Variants in UBOX5 observed in about 807,000 individuals in gnomAD.
UBOX5 encodes the protein RING finger protein 37.
Under a neutral mutation model 39.0 loss-of-function variants are expected in UBOX5, and 28 were observed. The ratio of observed to expected loss-of-function variants is 0.72; its 90% CI spans 0.53 to 0.98. The LOEUF is 0.98. Among genes scored for constraint, UBOX5 ranks in the 50% least tolerant of loss-of-function variants. The pLI is 0.00. For missense variants in UBOX5, 585 were observed against 674.4 expected (o/e 0.87, Z 1.47); for synonymous variants, 283 against 275.5 (o/e 1.03, Z -0.27).
At chr20:3,111,974 C>T (rs1002698584) in intron 4 of UBOX5, among the ~76,000 whole-genome samples, 3 of 152,154 alleles carry the variant, frequency 2.0e-5, no homozygotes, top group Admixed American at 6.5e-5. Flanking sequence ...TTCCTGCCTC[C>T]GCATCCCTGA....
rs201196114 is a variant in UBOX5 at position 3,148,874 on chromosome 20, C to T, written c.-42+10892G>A. ...GGCACTGCTGGTTGTCAGGATTCTC[C>T]GAGAAGAGAAGGTGCTACATATGTT... On this transcript the variant is annotated intron_variant, in intron 1 of 4. Transcript: ENST00000217173. 1.9e-5 allele frequency: 30 copies of T among 1,614,144 alleles called. No individual in the cohort carries two copies. Among genetic ancestry groups the T allele is most frequent in the South Asian group, 1.1e-4 (10 of 91,082 alleles).
At chr20:3,134,557 GA>G (rs34926292) in intron 1 of UBOX5, among the ~76,000 whole-genome samples, 37,236 of 81,882 alleles carry the variant, frequency 0.45, 6,496 homozygotes, top group East Asian at 0.51. Flanking sequence ...GACCCCATCT[GA>G]AAAAAAAAAA....
At chr20:3,140,325 C>T (rs986277352) in intron 1 of UBOX5, among the ~76,000 whole-genome samples, 2 of 152,084 alleles carry the variant, frequency 1.3e-5, no homozygotes, top group African/African-American at 4.8e-5. Flanking sequence ...CCGCACCCAG[C>T]CCAGTTTTTA....
chr20:3,147,712 G>A (rs1251930257), intron 1 of UBOX5: 1 of 1,614,236 alleles, frequency 6.2e-7, no homozygotes, highest in Non-Finnish European at 8.5e-7. Flanking sequence ...CACTTATCAG[G>A]CTGGAGTAAA....
intron 1 of UBOX5, chr20:3,148,452 T>A (rs573803825): frequency 6.2e-7 from 1 of 1,614,120 alleles, no homozygotes. Flanking sequence ...AAAACATTGA[T>A]CAGATCTTGG....
chr20:3,113,383 G>A (rs530119781), intron 4 of UBOX5, among the ~76,000 whole-genome samples: 1 of 152,206 alleles, frequency 6.6e-6, no homozygotes, highest in South Asian at 2.1e-4. Flanking sequence ...CAGCAGGCAG[G>A]ACCTCAGAGG....
At position 3,147,462 on chromosome 20, in the gene UBOX5, GGTGA is replaced by G. The variant is rs774145832; in HGVS notation, c.-42+12300_-42+12303del. The G allele has an allele frequency of 1.9e-6, 3 of 1,614,020 alleles. No individual in the cohort carries two copies. In the African/African-American group the frequency reaches 4.0e-5, roughly 22 times the overall value. On this transcript the variant is annotated intron_variant, in intron 1 of 4. Coordinates refer to ENST00000217173, the MANE Select transcript of UBOX5 (RefSeq NM_014948.4). The stretch of plus-strand genomic sequence containing the variant: ...AGCAATTCAGACCCCTCTTGCTGAA[GGTGA>G]GTACTAAGACGATTGCCTCTGTAAT...
chr20:3,148,812 T>C (rs774921489), intron 1 of UBOX5: 1 of 1,614,108 alleles, frequency 6.2e-7, no homozygotes, highest in African/African-American at 1.3e-5. Flanking sequence ...GTACTGGCCT[T>C]AGAGGAAGAA....
intron 1 of UBOX5, among the ~76,000 whole-genome samples, chr20:3,157,217 T>C (rs2066694898): frequency 6.6e-6 from 1 of 152,184 alleles, no homozygotes; most frequent in East Asian, 1.9e-4. Context: ...ACCTTAGCTG[T>C]TAATGTGGAT....
Position 3,115,359 on chromosome 20 carries a change from G to A in UBOX5, c.1363C>T (p.Gln455Ter), listed in dbSNP as rs746106006. 3.1e-6 allele frequency: 5 copies of A among 1,614,122 alleles called. No homozygotes were observed. Among genetic ancestry groups the A allele is most frequent in the African/African-American group, 1.3e-5 (1 of 75,048 alleles). The change falls in exon 4 of 5, where the codon CAG becomes TAG. Residue 455 changes from glutamine (Q) to a stop codon, truncating the protein, a stop_gained. Coordinates refer to ENST00000217173, the MANE Select transcript of UBOX5 (RefSeq NM_014948.4). LOFTEE classifies it high-confidence loss of function. ...FTARLTRGQL[Q>*]HLGTRGSNTS... ...TTGCTCCCTCTTGTGCCAAGGTGCT[G>A]GAGCTGTCCCCTGGTCAGCCGTGCC...
chr20:3,114,641 G>C (rs1383673179), intron 4 of UBOX5, among the ~76,000 whole-genome samples: 2 of 152,022 alleles, frequency 1.3e-5, no homozygotes, highest in African/African-American at 4.8e-5. Flanking sequence ...CTGCAGACTG[G>C]CTAGATGAGA....
At position 3,122,022 on chromosome 20, in the gene UBOX5, A is replaced by G; in HGVS notation, c.617T>C (p.Ile206Thr). 9.3e-6 allele frequency: 15 copies of G among 1,614,220 alleles called. No individual in the cohort carries two copies. Among genetic ancestry groups the G allele is most frequent in the Non-Finnish European group, 1.2e-5 (14 of 1,180,032 alleles). The change falls in exon 3 of 5, where the codon ATA becomes ACA. Residue 206 changes from isoleucine to threonine, a missense_variant. Transcript: ENST00000217173. ...QPAKTCSQEV[I>T]DSILLVTSEN... is the part of the protein sequence containing the mutation. ...TGAGGTGACCAGCAGGATGCTGTCT[A>G]TCACTTCCTGGGAGCAGGTCTTGGC...
intron 1 of UBOX5, among the ~76,000 whole-genome samples, chr20:3,129,779 T>C (rs1055745217): frequency 2.0e-5 from 3 of 152,244 alleles, no homozygotes; most frequent in African/African-American, 7.2e-5. Flanking sequence ...TATTTTATGG[T>C]ATGAATATGG....
chr20:3,158,712 G>C (rs937789774), intron 1 of UBOX5, among the ~76,000 whole-genome samples: 1 of 151,876 alleles, frequency 6.6e-6, no homozygotes, highest in African/African-American at 2.4e-5. Context: ...CTGACCTCGT[G>C]ATCCGCCCGC....
chr20:3,140,242 G>A (rs1419223123), intron 1 of UBOX5, among the ~76,000 whole-genome samples: 1 of 151,378 alleles, frequency 6.6e-6, no homozygotes, highest in African/African-American at 2.4e-5. Flanking sequence ...GGCTGGTCTC[G>A]AACTCCTGAC....
chr20:3,119,893 A>ACATC (rs371589552), intron 3 of UBOX5, among the ~76,000 whole-genome samples: 2 of 151,990 alleles, frequency 1.3e-5, no homozygotes, highest in African/African-American at 4.8e-5. Context: ...CTAAGATCCA[A>ACATC]CATCCAGCTT....
intron 1 of UBOX5, among the ~76,000 whole-genome samples, chr20:3,128,081 A>T (rs1263936502): frequency 6.6e-6 from 1 of 152,222 alleles, no homozygotes; most frequent in Non-Finnish European, 1.5e-5. Context: ...TTATATTAAC[A>T]ATGTCTCCAG....
At chr20:3,113,324 G>GT (rs1490893302) in intron 4 of UBOX5, among the ~76,000 whole-genome samples, 1 of 150,412 alleles carries the variant, frequency 6.6e-6, no homozygotes, top group South Asian at 2.1e-4. Flanking sequence ...AAAAGACACA[G>GT]TGAGAGTGGG....
At chr20:3,146,560 A>C in intron 1 of UBOX5, 1 of 522,786 alleles carries the variant, frequency 1.9e-6, no homozygotes, top group Non-Finnish European at 3.3e-6. Flanking sequence ...ATTATTTACT[A>C]AGAGTAACAT....
Sources: gnomAD v4.1 joint callset for allele counts (sites outside exome capture counted in the v4.1 genomes callset) on GRCh38, gnomAD v4.1.1 for gene constraint, MANE v1.5 for transcripts, NCBI Gene and HGNC (gene_info 2026-07-23, HGNC 2026-07-21) for gene names.